AJM1: variants seen among roughly 807,000 people sequenced by gnomAD.
AJM1 encodes uncharacterized protein C9orf172.
A neutral mutation model predicts 43.0 loss-of-function variants in AJM1; 22 were observed. The ratio of observed to expected loss-of-function variants is 0.51; its 90% confidence interval spans 0.37 to 0.73. The LOEUF is 0.73. Among genes scored for constraint, AJM1 ranks in the 30% least tolerant of loss-of-function variants. The pLI, the probability that AJM1 is intolerant of heterozygous loss-of-function variation, is 0.00. For missense variants in AJM1, 1,305 were observed against 1,343.3 expected, an observed-to-expected ratio of 0.97 and a Z score of 0.45; for synonymous variants, 719 against 638.3, an observed-to-expected ratio of 1.13 and a Z score of -1.91.
chr9:136,844,079 C>G (rs1848735222), intron 1 of AJM1, among the ~76,000 whole-genome samples, 117 bp from the exon 2 acceptor site: 1 of 152,186 alleles, frequency 6.6e-6, no homozygotes, highest in African/African-American at 2.4e-5. Context: ...CACGCGGGAG[C>G]TCCCGCCGCG....
In AJM1 at chr9:136,847,056, CGGCGGGCCTGGATCAGGACGGCGA is replaced by C. The variant is rs1468746993; in HGVS notation, c.2651_2674del (p.Leu884_Gly891del). 1 of 1,400,100 alleles carries C rather than the reference CGGCGGGCCTGGATCAGGACGGCGA, an allele frequency of 7.1e-7. No individual in the cohort carries two copies. Among genetic ancestry groups the C allele is most frequent in the Non-Finnish European group, 9.5e-7 (1 of 1,049,314 alleles). The allele number at this position is 1,400,100 out of a possible 1,614,324, so 86.7% of individuals were successfully genotyped here. A position where few individuals can be genotyped will look rare whatever the true frequency, so the allele number is the denominator to read the frequency against. ...CTGATCCTGACGCCACCGCCGGGCA[CGGCGGGCCTGGATCAGGACGGCGA>C]GGCGGGCCGGCGCGCGCGCGAGGTG... On this transcript the variant is annotated inframe_deletion, in exon 3 of 3. Transcript: ENST00000436881.
Position 136,846,667 on chromosome 9 carries a change from G to A in AJM1, c.2253G>A (p.Val751=). ...RVGFLSRGRG[V]LFLGFPSPGS... The stretch of plus-strand genomic sequence containing the variant: ...GCTTCCTGTCGCGCGGCCGCGGCGT[G>A]CTCTTCCTGGGCTTCCCAAGTCCAG... Residue 751 remains valine (V), a synonymous_variant, in exon 3 of 3, where the codon GTG becomes GTA. Transcript: ENST00000436881. The A allele has an allele frequency of 6.2e-7, 1 of 1,601,314 alleles. No individual in the cohort carries two copies. The highest frequency in any genetic ancestry group is 1.1e-5 in the South Asian group (1 of 90,806).
Position 136,847,380 on chromosome 9 carries a change from G to A in AJM1, c.*35G>A, listed in dbSNP as rs776205388. On this transcript the variant is annotated 3_prime_UTR_variant, in exon 3 of 3. Transcript: ENST00000436881. ...CCCACCAGGCCTAGCCCAGGCGCTG[G>A]CCCGAACCCTGCCCTGCCCACTCAG... The A allele has an allele frequency of 7.6e-6, 11 of 1,439,212 alleles. 1 individual carries two copies. The highest frequency in any genetic ancestry group is 2.1e-4 in the Middle Eastern group (1 of 4,816). The allele number at this position is 1,439,212 out of a possible 1,614,324, so 89.2% of individuals were successfully genotyped here.
rs1848774336 is a variant in AJM1, at chr9:136,846,334, G to T, written c.1920G>T (p.Glu640Asp). ...RSPPASAGSA[E>D]EPAAPGEAAD... ...CCCCCGCCTCGGCCGGCAGCGCCGA[G>T]GAGCCCGCGGCCCCGGGAGAGGCGG... The change falls in exon 3 of 3, where the codon GAG (glutamate) becomes GAT (aspartate). Residue 640 changes from glutamate (E) to aspartate (D), a missense_variant. Around this residue, in one of 6 missense-constraint regions of AJM1, gnomAD observed 391 missense variants for 507.5 expected, o/e 0.77. Transcript: ENST00000436881. 2 of 1,296,930 alleles carry T rather than the reference G, an allele frequency of 1.5e-6. No homozygotes were observed. The highest frequency in any genetic ancestry group is 4.1e-5 in the South Asian group (2 of 48,900). The allele number at this position is 1,296,930 out of a possible 1,614,324, so 80.3% of individuals were successfully genotyped here. A position where few individuals can be genotyped will look rare whatever the true frequency, so the allele number is the denominator to read the frequency against.
intron 1 of AJM1, among the ~76,000 whole-genome samples, chr9:136,842,928 C>T (rs1333744839): frequency 2.0e-5 from 3 of 151,504 alleles, no homozygotes; most frequent in Non-Finnish European, 2.9e-5. Context: ...GGCCGGATTC[C>T]GGCCTGGCCT....
chr9:136,844,646 C>A lies in AJM1; in HGVS notation c.232C>A (p.Pro78Thr). The A allele has an allele frequency of 1.3e-6, 2 of 1,506,358 alleles. No homozygotes were observed. Among genetic ancestry groups the A allele is most frequent in the Non-Finnish European group, 1.8e-6 (2 of 1,129,518 alleles). 93.3% of individuals were successfully genotyped at this position (1,506,358 alleles called of 1,614,324 possible). The part of the protein sequence containing the change: ...PEPPPPESAV[P>T]RARTREAEPR... The stretch of plus-strand genomic sequence containing the variant: ...GCCACCGCCGCCGGAGTCCGCTGTG[C>A]CGCGCGCCCGGACCCGCGAAGCCGA... The change falls in exon 3 of 3, where the codon CCG becomes ACG. Residue 78 changes from proline (P) to threonine (T), a missense_variant. Transcript: ENST00000436881.
Position 136,844,397 on chromosome 9 carries a change from C to G in AJM1, c.-18C>G, listed in dbSNP as rs773020406. 1 of 1,601,046 alleles carries G rather than the reference C, an allele frequency of 6.2e-7. No homozygotes were observed. Among genetic ancestry groups the G allele is most frequent in the Admixed American group, 1.7e-5 (1 of 59,704 alleles). On this transcript the variant is annotated 5_prime_UTR_variant, in exon 3 of 3. Transcript: ENST00000436881. Reference sequence around the variant, plus strand: ...GGCAGTGTGAGCTGGAGCCGCCAGCCTGGGGACCTCTTTTAAGATGACCCG... The same window carrying G: ...GGCAGTGTGAGCTGGAGCCGCCAGCGTGGGGACCTCTTTTAAGATGACCCG...
chr9:136,842,850 C>T (rs1848721285), intron 1 of AJM1, among the ~76,000 whole-genome samples: 2 of 152,244 alleles, frequency 1.3e-5, no homozygotes, highest in African/African-American at 4.8e-5. Context: ...GAGGGGGTGT[C>T]ACCGACAGCT....
In AJM1 at chr9:136,844,934, C is replaced by T. The variant is rs559368136; in HGVS notation, c.520C>T (p.Pro174Ser). The T allele has an allele frequency of 2.0e-3, 847 of 431,332 alleles. 6 individuals are homozygous for T. The highest frequency in any genetic ancestry group is 0.016 in the African/African-American group (757 of 47,472). 26.7% of individuals were successfully genotyped at this position (431,332 alleles called of 1,614,324 possible). The change falls in exon 3 of 3, where the codon CCC (proline) becomes TCC (serine). Residue 174 changes from proline (P) to serine (S), a missense_variant. Coordinates refer to ENST00000436881, the MANE Select transcript of AJM1 (RefSeq NM_001080482.5). ...CGCCGCCGCGGGCCGCTGCGCACCG[C>T]CCGAGCCACCCGCGGGTCCCGCCCC... ...LCAAAGRCAP[P>S]EPPAGPAPHV...
At chr9:136,842,985 C>T (rs1184473920) in intron 1 of AJM1, among the ~76,000 whole-genome samples, 1 of 126,522 alleles carries the variant, frequency 7.9e-6, no homozygotes, top group Non-Finnish European at 1.7e-5. Context: ...AGTCCTGCCA[C>T]GGGTGGGGTG....
rs571247271 is a variant in AJM1 at position 136,846,230 on chromosome 9, C to G, written c.1816C>G (p.Leu606Val). The stretch of plus-strand genomic sequence containing the variant: ...GGCCTCAGAGCCCGCGGCCGACTGC[C>G]TGGGCCCCCAACTGCGCCGACTGCT... ...GQASEPAADC[L>V]GPQLRRLLDS... Residue 606 changes from leucine to valine, a missense_variant, in exon 3 of 3, where the codon CTG (leucine) becomes GTG (valine). Physicochemically the swap from Leu to Val is conservative, Grantham distance 32. This residue lies in a region of AJM1 where 391 missense variants were observed against 507.5 expected (regional missense o/e 0.77). Transcript: ENST00000436881. 1.2e-5 allele frequency: 17 copies of G among 1,477,666 alleles called. No individual in the cohort carries two copies. In the African/African-American group the frequency reaches 2.2e-4, roughly 19 times the overall value. The allele number at this position is 1,477,666 out of a possible 1,614,324, so 91.5% of individuals were successfully genotyped here.
In AJM1 at chr9:136,846,553, C is replaced by G; in HGVS notation, c.2139C>G (p.Gly713=). 1 of 1,593,746 alleles carries G rather than the reference C, an allele frequency of 6.3e-7. No homozygotes were observed. The highest frequency in any genetic ancestry group is 8.5e-7 in the Non-Finnish European group (1 of 1,177,492). ...CCCACAAGGCGCGCTGCGTGTACGG[C>G]CGCGTGGGCAGCGTGTGCCGCCACG... is the stretch of plus-strand genomic sequence containing the variant. The part of the protein sequence containing the change: ...WDAHKARCVY[G]RVGSVCRHVL... Residue 713 remains glycine (G), a synonymous_variant, in exon 3 of 3, where the codon GGC becomes GGG. Coordinates refer to ENST00000436881, the MANE Select transcript of AJM1 (RefSeq NM_001080482.5).
In AJM1 at chr9:136,847,368, G is replaced by T. The variant is rs1289430070; in HGVS notation, c.*23G>T. The T allele has an allele frequency of 2.7e-6, 4 of 1,474,454 alleles. No individual in the cohort carries two copies. Among genetic ancestry groups the T allele is most frequent in the East Asian group, 5.4e-5 (2 of 37,048 alleles). The allele number at this position is 1,474,454 out of a possible 1,614,324, so 91.3% of individuals were successfully genotyped here. On this transcript the variant is annotated 3_prime_UTR_variant, in exon 3 of 3. Coordinates refer to ENST00000436881, the MANE Select transcript of AJM1 (RefSeq NM_001080482.5). ...TGAGGCGCCGGGCCCACCAGGCCTA[G>T]CCCAGGCGCTGGCCCGAACCCTGCC...
Position 136,845,412 on chromosome 9 carries a change from C to G in AJM1, c.998C>G (p.Thr333Ser). 2 of 1,612,466 alleles carry G rather than the reference C, an allele frequency of 1.2e-6. No homozygotes were observed. The highest frequency in any genetic ancestry group is 1.7e-6 in the Non-Finnish European group (2 of 1,179,798). ...GGCTACTACGCAGGAGAGGTGCGCACCTTCCCAATCCAGGAACCGCCCTCC... is the reference window on the plus strand; with the variant it reads ...GGCTACTACGCAGGAGAGGTGCGCAGCTTCCCAATCCAGGAACCGCCCTCC... ...MGGYYAGEVR[T>S]FPIQEPPSRS... Residue 333 changes from threonine (T) to serine (S), a missense_variant, in exon 3 of 3, where the codon ACC becomes AGC. Transcript: ENST00000436881.
rs762745079 is a variant in AJM1, at chr9:136,845,017, C to G, written c.603C>G (p.Thr201=). 144 of 684,674 alleles carry G rather than the reference C, an allele frequency of 2.1e-4. No individual in the cohort carries two copies. The highest frequency in any genetic ancestry group is 2.3e-4 in the Non-Finnish European group (91 of 404,046). The allele number at this position is 684,674 out of a possible 1,614,324, so 42.4% of individuals were successfully genotyped here. A position where few individuals can be genotyped will look rare whatever the true frequency, so the allele number is the denominator to read the frequency against. ...KPDDAVLQHA[T]RGSRSCGPTE... ...ACGACGCAGTGCTCCAGCACGCCAC[C>G]CGGGGCTCGCGGTCCTGCGGGCCCA... is the stretch of plus-strand genomic sequence containing the variant. Residue 201 remains threonine (T), a synonymous_variant, in exon 3 of 3, where the codon ACC becomes ACG. Coordinates refer to ENST00000436881, the MANE Select transcript of AJM1 (RefSeq NM_001080482.5).
rs1393088536 is a variant in AJM1, at chr9:136,846,197, G to A, written c.1783G>A (p.Ala595Thr). 3.3e-6 allele frequency: 5 copies of A among 1,506,696 alleles called. No homozygotes were observed. In the African/African-American group the frequency reaches 5.8e-5, roughly 17 times the overall value. The allele number at this position is 1,506,696 out of a possible 1,614,324, so 93.3% of individuals were successfully genotyped here. A position where few individuals can be genotyped will look rare whatever the true frequency, so the allele number is the denominator to read the frequency against. ...CCTGGTCATCGACTCGCGACCCACC[G>A]CCGGCCAGGCCTCAGAGCCCGCGGC... ...TDLVIDSRPTAGQASEPAADC... is the reference protein window; with the variant it reads ...TDLVIDSRPTTGQASEPAADC... The change falls in exon 3 of 3, where the codon GCC (alanine) becomes ACC (threonine). Residue 595 changes from alanine (A) to threonine (T), a missense_variant. Ala to Thr is a moderately conservative substitution (Grantham distance 58). Transcript: ENST00000436881.
chr9:136,845,267 G>A lies in AJM1; in HGVS notation c.853G>A (p.Glu285Lys), dbSNP rs1848754482. ...PPGPTQFFYTEEPQGFRGSFA... is the reference protein window; with the variant it reads ...PPGPTQFFYTKEPQGFRGSFA... ...GGGCCCCACCCAGTTCTTCTATACA[G>A]AGGAGCCCCAAGGCTTCCGGGGCAG... The change falls in exon 3 of 3, where the codon GAG (glutamate) becomes AAG (lysine). Residue 285 changes from glutamate to lysine, a missense_variant. This residue lies in a region of AJM1 where 653 missense variants were observed against 549.1 expected (regional missense o/e 1.19). Transcript: ENST00000436881. 6.2e-7 allele frequency: 1 copy of A among 1,607,430 alleles called. No individual in the cohort carries two copies. The highest frequency in any genetic ancestry group is 8.5e-7 in the Non-Finnish European group (1 of 1,179,418).
Position 136,844,533 on chromosome 9 carries a change from C to T in AJM1, c.119C>T (p.Ala40Val). 1 of 1,607,020 alleles carries T rather than the reference C, an allele frequency of 6.2e-7. No homozygotes were observed. The highest frequency in any genetic ancestry group is 2.2e-5 in the East Asian group (1 of 44,650). ...TGTGAGCGATCCGTGGCCCGGCCTG[C>T]TGAGCCCGCGCCTTTCAACAAGCGC... Reference protein sequence around the residue: ...SPCERSVARPAEPAPFNKRHC... With the variant: ...SPCERSVARPVEPAPFNKRHC... Residue 40 changes from alanine to valine, a missense_variant, in exon 3 of 3, where the codon GCT becomes GTT. Physicochemically the swap from Ala to Val is moderately conservative, Grantham distance 64 (BLOSUM62 0). This residue lies in a region of AJM1 where 128 missense variants were observed against 120.6 expected (regional missense o/e 1.06). Transcript: ENST00000436881.
chr9:136,845,794 A>G lies in AJM1; in HGVS notation c.1380A>G (p.Glu460=), dbSNP rs1848765585. The G allele has an allele frequency of 1.9e-6, 3 of 1,571,856 alleles. No homozygotes were observed. The South Asian group carries it at 3.4e-5, about 18-fold the overall frequency. ...TTCTGGCCCCGGGGCCGCGCCGAGA[A>G]GACCCGTTGGGCCGCGGCCGCAGCT... ...DNILAPGPRR[E]DPLGRGRSYE... Residue 460 remains glutamate (E), a synonymous_variant, in exon 3 of 3, where the codon GAA becomes GAG. Coordinates refer to ENST00000436881, the MANE Select transcript of AJM1 (RefSeq NM_001080482.5).
Sources: allele counts gnomAD v4.1 joint callset (sites outside exome capture counted in the v4.1 genomes callset), GRCh38; gene constraint gnomAD v4.1.1; regional missense constraint gnomAD v4.1.1; transcripts MANE v1.5; gene names NCBI Gene and HGNC (gene_info 2026-07-23, HGNC 2026-07-21).